ATP10B: variants seen among roughly 807,000 people sequenced by gnomAD.
ATP10B encodes the protein ATPase phospholipid transporting 10B (putative).
Under a neutral mutation model 141.2 loss-of-function variants are expected in ATP10B, and 122 were observed. The ratio of observed to expected loss-of-function variants is 0.86; its 90% CI spans 0.75 to 1.00. The LOEUF is 1.00. Ranked by LOEUF, ATP10B falls within the 50% of genes least tolerant of loss-of-function variation. ATP10B has a pLI of 0.00. For missense variants in ATP10B, 1,876 were observed against 1,825.3 expected, an observed-to-expected ratio of 1.03 and a Z score of -0.51; for synonymous variants, 685 against 692.0, an observed-to-expected ratio of 0.99 and a Z score of 0.16.
intron 2 of ATP10B, among the ~76,000 whole-genome samples, chr5:160,758,781 T>C (rs1419161585): frequency 6.6e-6 from 1 of 152,160 alleles, no homozygotes; most frequent in Non-Finnish European, 1.5e-5. Flanking sequence ...AAGATTTAGA[T>C]GGAGAGTAGA....
At chr5:160,869,953 A>T in the ATP10B span, among the ~76,000 whole-genome samples, 1 of 152,122 alleles carries the variant, frequency 6.6e-6, no homozygotes, top group Non-Finnish European at 1.5e-5. Context: ...GGAGGGGAAA[A>T]TGAACCATTT....
At chr5:160,585,526 C>A (rs890303808) in intron 24 of ATP10B, among the ~76,000 whole-genome samples, 3 of 152,184 alleles carry the variant, frequency 2.0e-5, no homozygotes, top group African/African-American at 7.2e-5. Flanking sequence ...TCTTTTGAAC[C>A]CAGGAGGCGG....
At chr5:160,628,866 C>T (rs972032222) in intron 13 of ATP10B, among the ~76,000 whole-genome samples, 1 of 152,036 alleles carries the variant, frequency 6.6e-6, no homozygotes, top group African/African-American at 2.4e-5. Flanking sequence ...GTATATTACC[C>T]CCACCTTAAA....
the ATP10B span, among the ~76,000 whole-genome samples, chr5:160,875,248 T>C: frequency 2.2e-5 from 1 of 45,660 alleles, no homozygotes; most frequent in African/African-American, 4.9e-5. Flanking sequence ...TTAAAGAAAA[T>C]AATTTTCAAC....
chr5:160,716,100 C>A (rs920616110), intron 3 of ATP10B, among the ~76,000 whole-genome samples: 1 of 152,122 alleles, frequency 6.6e-6, no homozygotes, highest in Non-Finnish European at 1.5e-5. Flanking sequence ...GCAATTTGCA[C>A]ACGTGCACAA....
Position 160,612,919 on chromosome 5 carries a change from G to A in ATP10B, c.2660C>T (p.Thr887Ile). ...TTCCTGCAGCCGGTCTTCGATCCCAGTGGCTCCTGGAGTGATGAAAAACAA... is the reference window on the plus strand; with the variant it reads ...TTCCTGCAGCCGGTCTTCGATCCCAATGGCTCCTGGAGTGATGAAAAACAA... ...LENQLTLLGA[T>I]GIEDRLQEGV... Residue 887 changes from threonine to isoleucine, a missense_variant, in exon 18 of 26, where the codon ACT becomes ATT. Thr to Ile is a moderately conservative substitution (Grantham distance 89). Coordinates refer to ENST00000327245, the MANE Select transcript of ATP10B (RefSeq NM_025153.3). 1 of 1,612,854 alleles carries A rather than the reference G, an allele frequency of 6.2e-7. No individual in the cohort carries two copies. The highest frequency in any genetic ancestry group is 1.1e-5 in the South Asian group (1 of 90,968).
the ATP10B span, among the ~76,000 whole-genome samples, chr5:160,928,030 G>A: frequency 4.6e-5 from 7 of 152,148 alleles, no homozygotes; most frequent in Admixed American, 3.3e-4. Context: ...CAACAGCCAG[G>A]GCTGCTGGCT....
intron 7 of ATP10B, among the ~76,000 whole-genome samples, chr5:160,666,131 C>A (rs901002350): frequency 2.0e-5 from 3 of 152,090 alleles, no homozygotes; most frequent in Non-Finnish European, 4.4e-5. Context: ...GTTTTCTCCC[C>A]ATTATTAGGA....
rs186087794 is a variant in ATP10B, at chr5:160,823,388, G to A, written c.-576+28553C>T. Among the ~76,000 whole-genome samples the A allele has an allele frequency of 8.6e-4, 130 of 152,030 alleles. No individual in the cohort carries two copies. In the South Asian group the frequency reaches 0.017, roughly 20 times the overall value. ...GGAACACACACTGGGGCCTGTCAGGGAGTGGGGTGGGGTGAGGGCAAACAT... is the reference window on the plus strand; with the variant it reads ...GGAACACACACTGGGGCCTGTCAGGAAGTGGGGTGGGGTGAGGGCAAACAT... On this transcript the variant is annotated intron_variant, in intron 1 of 25. Coordinates refer to ENST00000327245, the MANE Select transcript of ATP10B (RefSeq NM_025153.3).
At chr5:160,926,917 A>G in the ATP10B span, among the ~76,000 whole-genome samples, 1 of 152,220 alleles carries the variant, frequency 6.6e-6, no homozygotes, top group Middle Eastern at 3.2e-3. Context: ...TTGCTTGTGG[A>G]GCTGTGTGCT....
intron 1 of ATP10B, among the ~76,000 whole-genome samples, chr5:160,799,741 G>A (rs181305503): frequency 3.9e-5 from 6 of 152,300 alleles, no homozygotes; most frequent in East Asian, 1.9e-4. Flanking sequence ...GGGAAATAGG[G>A]TAGAAGCTAG....
intron 6 of ATP10B, chr5:160,684,929 G>C: frequency 1.4e-6 from 1 of 703,396 alleles, no homozygotes; most frequent in Non-Finnish European, 2.6e-6. Flanking sequence ...GTGACTGCCA[G>C]GATAACACAG....
intron 2 of ATP10B, among the ~76,000 whole-genome samples, chr5:160,742,757 G>C (rs569708876): frequency 3.9e-5 from 6 of 152,164 alleles, no homozygotes; most frequent in Non-Finnish European, 8.8e-5. Flanking sequence ...AATTTGGGGG[G>C]AGGATTTGGG....
At chr5:160,828,568 A>T (rs1250013891) in intron 1 of ATP10B, among the ~76,000 whole-genome samples, 2 of 151,680 alleles carry the variant, frequency 1.3e-5, no homozygotes, top group African/African-American at 4.9e-5. Context: ...CAGGTGCTGG[A>T]GAGGATGTGG....
intron 12 of ATP10B, chr5:160,633,146 G>A (rs186661919): frequency 1.3e-5 from 2 of 152,320 alleles, no homozygotes; most frequent in Admixed American, 1.3e-4. Flanking sequence ...CAACCATTGT[G>A]GAAGACAAAG....
intron 2 of ATP10B, among the ~76,000 whole-genome samples, chr5:160,764,037 A>T (rs529257296): frequency 5.9e-5 from 9 of 152,290 alleles, no homozygotes; most frequent in African/African-American, 2.2e-4. Context: ...CAGACCAATA[A>T]CAAGTAGCAT....
At chr5:160,637,393 T>C (rs1759499800) in intron 10 of ATP10B, among the ~76,000 whole-genome samples, 1 of 152,158 alleles carries the variant, frequency 6.6e-6, no homozygotes, top group African/African-American at 2.4e-5. Flanking sequence ...CTGTCTGACA[T>C]TGATTAATTC....
chr5:160,760,025 T>C (rs968688061), intron 2 of ATP10B, among the ~76,000 whole-genome samples: 6 of 152,290 alleles, frequency 3.9e-5, no homozygotes, highest in African/African-American at 1.4e-4. Context: ...CTTTTACATT[T>C]CACAAATGTT....
intron 2 of ATP10B, among the ~76,000 whole-genome samples, chr5:160,757,277 T>C (rs1006666260): frequency 4.6e-5 from 7 of 152,216 alleles, no homozygotes; most frequent in African/African-American, 1.4e-4. Context: ...TTCTGTTCTA[T>C]TGATCTATAT....
Sources: gnomAD v4.1 joint callset for allele counts (sites outside exome capture counted in the v4.1 genomes callset) on GRCh38, gnomAD v4.1.1 for gene constraint, MANE v1.5 for transcripts, NCBI Gene and HGNC (gene_info 2026-07-23, HGNC 2026-07-21) for gene names.